Variants in RNF130 observed in about 807,000 individuals in gnomAD.
RNF130 encodes E3 ubiquitin-protein ligase RNF130.
A neutral mutation model predicts 44.6 loss-of-function variants in RNF130; 21 were observed. The ratio of observed to expected loss-of-function variants is 0.47; its 90% CI spans 0.33 to 0.68. The LOEUF (loss-of-function observed/expected upper bound fraction) is 0.68, where lower values mean the gene tolerates loss of function less well. Ranked by LOEUF, RNF130 falls within the 30% of genes least tolerant of loss-of-function variation. The pLI is 0.02. For synonymous variants in RNF130, 214 were observed against 210.4 expected, an observed-to-expected ratio of 1.02 and a Z score of -0.15; for missense variants, 479 against 560.6, an observed-to-expected ratio of 0.85 and a Z score of 1.47.
At chr5:180,044,562 G>T (rs950654357) in intron 1 of RNF130, among the ~76,000 whole-genome samples, 1 of 152,044 alleles carries the variant, frequency 6.6e-6, no homozygotes, top group African/African-American at 2.4e-5. Context: ...GGCCGGGCGC[G>T]GTGGCTCACG....
At chr5:180,044,442 G>T (rs138171639) in intron 1 of RNF130, among the ~76,000 whole-genome samples, 77 of 152,148 alleles carry the variant, frequency 5.1e-4, no homozygotes, top group African/African-American at 1.4e-3. Flanking sequence ...ACAATTCTGG[G>T]CTCCTCACCT....
chr5:180,066,414 C>CT (rs1283430067), intron 1 of RNF130, among the ~76,000 whole-genome samples: 1 of 152,124 alleles, frequency 6.6e-6, no homozygotes, highest in Non-Finnish European at 1.5e-5. Flanking sequence ...TCAGGTATGT[C>CT]TTTATCAGCA....
intron 2 of RNF130, among the ~76,000 whole-genome samples, chr5:180,023,991 G>C (rs1043696431): frequency 1.3e-5 from 2 of 152,180 alleles, no homozygotes; most frequent in African/African-American, 2.4e-5. Context: ...TGGTATGACA[G>C]GATGCATGCT....
At chr5:180,003,465 A>C (rs903277227) in intron 3 of RNF130, among the ~76,000 whole-genome samples, 1 of 152,158 alleles carries the variant, frequency 6.6e-6, no homozygotes, top group African/African-American at 2.4e-5. Context: ...ACAAGGACAA[A>C]ATATCTCTTC....
chr5:179,917,932 G>C (rs900783515), exon 8 of RNF130: 1 of 152,290 alleles, frequency 6.6e-6, no homozygotes, highest in Non-Finnish European at 1.5e-5. Context: ...CTTGAGCCCA[G>C]GAGGTGGAGG....
chr5:179,976,391 A>C (rs1363563056), intron 5 of RNF130, among the ~76,000 whole-genome samples: 8 of 152,156 alleles, frequency 5.3e-5, no homozygotes, highest in Non-Finnish European at 7.4e-5. Flanking sequence ...GCAAGACAGA[A>C]TTTGGAGAGC....
chr5:179,978,503 T>C (rs912647117), intron 4 of RNF130, among the ~76,000 whole-genome samples: 2 of 152,362 alleles, frequency 1.3e-5, no homozygotes, highest in South Asian at 4.1e-4. Flanking sequence ...CAATCTATAT[T>C]AATTTTGTTA....
downstream of RNF130, among the ~76,000 whole-genome samples, chr5:179,951,911 C>T (rs1481642233): frequency 6.6e-6 from 1 of 152,042 alleles, no homozygotes; most frequent in African/African-American, 2.4e-5. Flanking sequence ...TGAAATAGGA[C>T]TCAGAGGGAA....
chr5:180,013,166 G>A lies in RNF130; in HGVS notation c.588C>T (p.Val196=), dbSNP rs1317893306. The change falls in exon 3 of 9, where the codon GTC becomes GTT. Residue 196 remains valine, a synonymous_variant. Transcript: ENST00000521389. ...AAACAATAAAGGATATTGACACGAA[G>A]ACTAGAGAGCCACGGCTGAAGTTCT... ...PPKNFSRGSL[V]FVSISFIVLM... 3 of 1,613,926 alleles carry A rather than the reference G, an allele frequency of 1.9e-6. No homozygotes were observed. Among genetic ancestry groups the A allele is most frequent in the East Asian group, 2.2e-5 (1 of 44,882 alleles).
intron 1 of RNF130, among the ~76,000 whole-genome samples, chr5:180,059,943 C>T (rs552367999): frequency 3.3e-5 from 5 of 152,204 alleles, no homozygotes; most frequent in East Asian, 1.9e-4. Flanking sequence ...GGTTGATCAT[C>T]GGCTGACTTT....
At chr5:180,029,814 T>C (rs980755911) in intron 2 of RNF130, among the ~76,000 whole-genome samples, 1 of 151,234 alleles carries the variant, frequency 6.6e-6, no homozygotes, top group African/African-American at 2.4e-5. Context: ...GTGCTGAGAT[T>C]ACAGGTGTGG....
intron 3 of RNF130, among the ~76,000 whole-genome samples, chr5:180,011,216 C>T (rs1763589639): frequency 6.6e-6 from 1 of 152,134 alleles, no homozygotes; most frequent in Admixed American, 6.5e-5. Context: ...GAAGAGACAA[C>T]TGAATGCAAA....
chr5:180,058,707 C>T (rs1764898384), intron 1 of RNF130, among the ~76,000 whole-genome samples: 1 of 151,984 alleles, frequency 6.6e-6, no homozygotes, highest in Admixed American at 6.6e-5. Flanking sequence ...AGGTGCACAC[C>T]ACCACGCCTG....
At chr5:179,923,508 GTGTGACAGAC>G (rs1561658809) in intron 7 of RNF130, among the ~76,000 whole-genome samples, 2 of 152,230 alleles carry the variant, frequency 1.3e-5, no homozygotes, top group African/African-American at 4.8e-5. Context: ...CTAAATGGAT[GTGTGACAGAC>G]TGTAACCGAT....
At chr5:180,036,246 T>C (rs140667681) in intron 2 of RNF130, among the ~76,000 whole-genome samples, 255 of 152,334 alleles carry the variant, frequency 1.7e-3, no homozygotes, top group African/African-American at 6.0e-3. Flanking sequence ...ATTTTCACTG[T>C]GATGTGCAAC....
chr5:179,968,525 G>C (rs1762504386), intron 6 of RNF130, among the ~76,000 whole-genome samples: 1 of 151,964 alleles, frequency 6.6e-6, no homozygotes, highest in Admixed American at 6.6e-5. Flanking sequence ...AATTAGCCAG[G>C]TGTGGTGGCA....
At chr5:180,034,203 T>TAA (rs564028581) in intron 2 of RNF130, among the ~76,000 whole-genome samples, 8 of 145,730 alleles carry the variant, frequency 5.5e-5, no homozygotes, top group Non-Finnish European at 9.1e-5. Context: ...TTTTCAGATG[T>TAA]AAAAAAAAAA....
intron 3 of RNF130, among the ~76,000 whole-genome samples, chr5:180,007,100 C>T (rs1354685445): frequency 6.6e-6 from 1 of 152,134 alleles, no homozygotes. Context: ...AGAACTGCTT[C>T]ATGATAACAG....
At chr5:179,957,938 C>T (rs1312648422) in intron 8 of RNF130, among the ~76,000 whole-genome samples, 12 of 150,246 alleles carry the variant, frequency 8.0e-5, no homozygotes, top group Non-Finnish European at 1.2e-4. Flanking sequence ...AGTGCAGTGG[C>T]GGGATCTCGG....
Sources: gnomAD v4.1 joint callset for allele counts (sites outside exome capture counted in the v4.1 genomes callset) on GRCh38, gnomAD v4.1.1 for gene constraint, MANE v1.5 for transcripts, NCBI Gene and HGNC (gene_info 2026-07-23, HGNC 2026-07-21) for gene names.